Variants in KDM1A observed in about 807,000 individuals in gnomAD.
KDM1A encodes lysine-specific histone demethylase 1A.
In KDM1A, 49 loss-of-function variants were observed where a neutral mutation model predicts 109.4. The observed-to-expected ratio is 0.45, with a 90% CI of 0.36 to 0.57. The LOEUF (loss-of-function observed/expected upper bound fraction) is 0.57, where lower values mean the gene tolerates loss of function less well. Among genes scored for constraint, KDM1A ranks in the 20% least tolerant of loss-of-function variants. KDM1A has a pLI of 0.00. For missense variants in KDM1A, 668 were observed against 1,116.6 expected, an observed-to-expected ratio of 0.60 and a Z score of 5.73; for synonymous variants, 380 against 415.4, an observed-to-expected ratio of 0.91 and a Z score of 1.04.
At chr1:23,021,327 A>G (rs1364925550) in intron 1 of KDM1A, among the ~76,000 whole-genome samples, 1 of 152,216 alleles carries the variant, frequency 6.6e-6, no homozygotes, top group Admixed American at 6.5e-5. Context: ...TACGATTTCA[A>G]TAGACAGGTG....
chr1:23,045,059 T>C (rs1290399697), intron 3 of KDM1A, among the ~76,000 whole-genome samples: 1 of 152,240 alleles, frequency 6.6e-6, no homozygotes, highest in Non-Finnish European at 1.5e-5. Flanking sequence ...AAATACTTTT[T>C]TCTGTTCAGA....
rs746295431 is a variant in KDM1A, at chr1:23,083,188, C to T, written c.2455C>T (p.Arg819Ter). ...TTTTCCCCTAAAATAGCCGATTCCA[C>T]GACTCTTCTTTGCGGGAGAACATAC... ...SIPGAPQPIP[R>*]LFFAGEHTIR... The change falls in exon 21 of 21, where the codon CGA becomes TGA. Residue 819 changes from arginine to a stop codon, truncating the protein, a stop_gained. Coordinates refer to ENST00000400181, the MANE Select transcript of KDM1A (RefSeq NM_001009999.3). LOFTEE classifies it high-confidence loss of function. 2.5e-6 allele frequency: 4 copies of T among 1,609,608 alleles called. No homozygotes were observed. Among genetic ancestry groups the T allele is most frequent in the Non-Finnish European group, 3.4e-6 (4 of 1,176,406 alleles).
At chr1:23,077,142 T>A (rs2124537648) in intron 15 of KDM1A, 86 bp from the exon 16 acceptor site, 1 of 1,271,860 alleles carries the variant, frequency 7.9e-7, no homozygotes, top group East Asian at 2.4e-5. Flanking sequence ...CACAAGCTTG[T>A]GTTTTCATTG....
chr1:23,071,064 A>G (rs768443249), intron 12 of KDM1A, among the ~76,000 whole-genome samples, 161 bp from the exon 13 acceptor site: 25 of 152,164 alleles, frequency 1.6e-4, no homozygotes, highest in Admixed American at 3.3e-4. Context: ...CCCAAATGGA[A>G]TGATGTAGGT....
At chr1:23,037,121 A>AT (rs1553126644) in intron 2 of KDM1A, among the ~76,000 whole-genome samples, 13 of 130,390 alleles carry the variant, frequency 1.0e-4, no homozygotes, top group Admixed American at 2.2e-4. Flanking sequence ...CACTAAAAAA[A>AT]ATATATATAC....
chr1:23,045,457 T>C (rs1642476108), intron 3 of KDM1A, among the ~76,000 whole-genome samples: 1 of 152,236 alleles, frequency 6.6e-6, no homozygotes, highest in Non-Finnish European at 1.5e-5. Flanking sequence ...TTAAAAATGC[T>C]GTCCCAAGGA....
At chr1:23,071,415 A>G in intron 13 of KDM1A, 56 bp downstream of exon 13, 1 of 1,510,444 alleles carries the variant, frequency 6.6e-7, no homozygotes, top group Non-Finnish European at 8.9e-7. Context: ...GAAATAGCAC[A>G]GATCTGGGGA....
chr1:23,040,173 G>A (rs553200348), intron 2 of KDM1A, among the ~76,000 whole-genome samples: 1 of 152,154 alleles, frequency 6.6e-6, no homozygotes, highest in East Asian at 1.9e-4. Context: ...TAATTTGAAT[G>A]TGATTCCAAG....
intron 2 of KDM1A, among the ~76,000 whole-genome samples, chr1:23,042,003 C>G (rs1383338981): frequency 2.0e-5 from 3 of 152,014 alleles, no homozygotes; most frequent in African/African-American, 7.3e-5. Context: ...CATTGATTCA[C>G]ACACAAAAAT....
At chr1:23,063,128 C>A (rs182025850) in intron 9 of KDM1A, among the ~76,000 whole-genome samples, 44 of 118,038 alleles carry the variant, frequency 3.7e-4, no homozygotes, top group Admixed American at 9.8e-4. Context: ...ATGGGCTTTA[C>A]TTTTTTTTTT....
chr1:23,073,904 TG>T (rs1258760004), intron 15 of KDM1A, among the ~76,000 whole-genome samples: 1 of 152,244 alleles, frequency 6.6e-6, no homozygotes, highest in East Asian at 1.9e-4. Context: ...GGTGCCTTAA[TG>T]GGCATTTGGG....
At chr1:23,056,766 A>G (rs1295834365) in intron 7 of KDM1A, among the ~76,000 whole-genome samples, 1 of 150,876 alleles carries the variant, frequency 6.6e-6, no homozygotes, top group Non-Finnish European at 1.5e-5. Flanking sequence ...CCTACCCATG[A>G]GGAGTTTGTA....
intron 3 of KDM1A, among the ~76,000 whole-genome samples, chr1:23,049,434 TG>T (rs1182659558): frequency 6.7e-6 from 1 of 148,228 alleles, no homozygotes; most frequent in Non-Finnish European, 1.5e-5. Context: ...GAAAATAACA[TG>T]TTTTTTGGGA....
chr1:23,037,275 G>C (rs1642176250), intron 2 of KDM1A, among the ~76,000 whole-genome samples: 1 of 148,412 alleles, frequency 6.7e-6, no homozygotes, highest in Admixed American at 6.8e-5. Context: ...CTGCACTCCA[G>C]CCTGGGTGAT....
At chr1:23,055,839 A>C in intron 6 of KDM1A, 93 bp from the exon 7 acceptor site, 1 of 626,746 alleles carries the variant, frequency 1.6e-6, no homozygotes, top group Non-Finnish European at 2.7e-6. Context: ...GTAAGCTATT[A>C]TGTTAAGAAC....
At chr1:23,081,248 C>A in intron 18 of KDM1A, 198 bp from the exon 19 acceptor site, 1 of 556,212 alleles carries the variant, frequency 1.8e-6, no homozygotes, top group Non-Finnish European at 3.1e-6. Flanking sequence ...AGTCTGCCAG[C>A]TCCTACTGGC....
At chr1:23,063,831 A>G (rs1286053740) in intron 9 of KDM1A, among the ~76,000 whole-genome samples, 1 of 152,212 alleles carries the variant, frequency 6.6e-6, no homozygotes, top group Non-Finnish European at 1.5e-5. Flanking sequence ...AAGGAAGTCA[A>G]AAAGATTCCT....
intron 1 of KDM1A, among the ~76,000 whole-genome samples, chr1:23,020,961 G>A (rs12045757): frequency 1.3e-5 from 2 of 152,084 alleles, no homozygotes; most frequent in Non-Finnish European, 2.9e-5. Flanking sequence ...TTTAATGGTC[G>A]GTCTAGTTGG....
intron 1 of KDM1A, among the ~76,000 whole-genome samples, chr1:23,023,961 T>C (rs1330102634): frequency 1.3e-5 from 2 of 152,150 alleles, no homozygotes; most frequent in African/African-American, 4.8e-5. Flanking sequence ...GTGATGCTCT[T>C]ATCTCAGCCT....
Sources: allele counts gnomAD v4.1 joint callset (sites outside exome capture counted in the v4.1 genomes callset), GRCh38; gene constraint gnomAD v4.1.1; transcripts MANE v1.5; gene names NCBI Gene and HGNC (gene_info 2026-07-23, HGNC 2026-07-21).